RHBDF1: variants seen among roughly 807,000 people sequenced by gnomAD.
RHBDF1 encodes the protein rhomboid 5 homolog 1, also known as inactive rhomboid protein 1.
A neutral mutation model predicts 98.6 loss-of-function variants in RHBDF1; 80 were observed. The ratio of observed to expected loss-of-function variants is 0.81; its 90% CI spans 0.68 to 0.98. The LOEUF (loss-of-function observed/expected upper bound fraction) is 0.98. Among genes scored for constraint, RHBDF1 ranks in the 50% least tolerant of loss-of-function variants. The probability of loss-of-function intolerance (pLI) is 0.00; values close to 1 mark genes in which losing one functional copy is unlikely to be tolerated. For missense variants in RHBDF1, 1,116 were observed against 1,198.3 expected, an observed-to-expected ratio of 0.93 and a Z score of 1.01; for synonymous variants, 512 against 486.8, an observed-to-expected ratio of 1.05 and a Z score of -0.68.
chr16:62,728 G>T, intron 6 of RHBDF1, 33 bp from the exon 7 acceptor site: 3 of 1,614,122 alleles, frequency 1.9e-6, no homozygotes, highest in Non-Finnish European at 2.5e-6. Context: ...GGTGGACACA[G>T]GCAGGAAGGG....
chr16:61,747 C>A (rs1314850838), intron 8 of RHBDF1, 51 bp from the exon 9 acceptor site: 14 of 1,612,060 alleles, frequency 8.7e-6, no homozygotes, highest in Non-Finnish European at 1.2e-5. Context: ...GGAGCCCCCA[C>A]CCTCCCCCGG....
intron 1 of RHBDF1, among the ~76,000 whole-genome samples, chr16:67,803 CG>C (rs1897867484): frequency 6.6e-6 from 1 of 152,208 alleles, no homozygotes; most frequent in Non-Finnish European, 1.5e-5. Flanking sequence ...CGCAGGCCAT[CG>C]GGGTCCCTAA....
intron 1 of RHBDF1, among the ~76,000 whole-genome samples, chr16:72,146 C>G (rs1366569284): frequency 2.0e-5 from 3 of 152,228 alleles, no homozygotes; most frequent in African/African-American, 7.2e-5. Context: ...CTGGGGCACC[C>G]CCGGACTCTA....
intron 13 of RHBDF1, 65 bp from the exon 14 acceptor site, chr16:59,891 TG>T: frequency 1.2e-6 from 2 of 1,610,040 alleles, no homozygotes; most frequent in Non-Finnish European, 1.7e-6. Flanking sequence ...ACACCACGTT[TG>T]GGGGTAGAGG....
rs1897457804 is a variant in RHBDF1 at position 58,240 on chromosome 16, C to G, written c.*100G>C. 8.4e-7 allele frequency: 1 copy of G among 1,186,660 alleles called. No individual in the cohort carries two copies. Among genetic ancestry groups the G allele is most frequent in the African/African-American group, 1.5e-5 (1 of 65,252 alleles). 73.5% of individuals were successfully genotyped at this position (1,186,660 alleles called of 1,614,324 possible). A position where few individuals can be genotyped will look rare whatever the true frequency, so the allele number is the denominator to read the frequency against. ...CTGTGTTCAGGAAACAGGCCAGTCCCCACATGGAGCAGGTGACTCCTGTAA... is the reference window on the plus strand; with the variant it reads ...CTGTGTTCAGGAAACAGGCCAGTCCGCACATGGAGCAGGTGACTCCTGTAA... On this transcript the variant is annotated 3_prime_UTR_variant, in exon 18 of 18. Coordinates refer to ENST00000262316, the MANE Select transcript of RHBDF1 (RefSeq NM_022450.5).
chr16:59,081 G>T lies in RHBDF1; in HGVS notation c.2041C>A (p.Arg681=), dbSNP rs760039099. 6.2e-7 allele frequency: 1 copy of T among 1,613,442 alleles called. No homozygotes were observed. The highest frequency in any genetic ancestry group is 1.7e-5 in the Admixed American group (1 of 59,998). Residue 681 remains arginine, a synonymous_variant, in exon 17 of 18, where the codon CGG becomes AGG. Coordinates refer to ENST00000262316, the MANE Select transcript of RHBDF1 (RefSeq NM_022450.5). ...CAGCCTGCCAGCTTCTCCAGGTCCC[G>T]CAGGACAGTCATCTGGAAGCAGATG... The part of the protein sequence containing the change: ...VSICFQMTVL[R]DLEKLAGWHR...
At chr16:74,379 G>T (rs1898047330), upstream of RHBDF1, among the ~76,000 whole-genome samples, 1 of 152,212 alleles carries the variant, frequency 6.6e-6, no homozygotes, top group Admixed American at 6.5e-5. Flanking sequence ...GGTGTCAGCA[G>T]GTCTCCTCCT....
At chr16:63,871 C>G (rs1897740307) in intron 3 of RHBDF1, 71 bp from the exon 4 acceptor site, 2 of 1,302,924 alleles carry the variant, frequency 1.5e-6, no homozygotes, top group South Asian at 1.3e-5. Flanking sequence ...AAAGGCCCTC[C>G]TCCGGGGCAG....
At position 61,157 on chromosome 16, in the gene RHBDF1, C is replaced by T. The variant is rs1897599697; in HGVS notation, c.1520G>A (p.Arg507Lys). 1 of 1,538,746 alleles carries T rather than the reference C, an allele frequency of 6.5e-7. No homozygotes were observed. Among genetic ancestry groups the T allele is most frequent in the Non-Finnish European group, 8.7e-7 (1 of 1,144,994 alleles). Residue 507 changes from arginine to lysine, a missense_variant, in exon 11 of 18, where the codon AGG becomes AAG. Physicochemically the swap from Arg to Lys is conservative, Grantham distance 26 (BLOSUM62 2). Transcript: ENST00000262316. Reference protein sequence around the residue: ...KHSACCVRNDRSGCVQTSEEE... With the variant: ...KHSACCVRNDKSGCVQTSEEE... The stretch of plus-strand genomic sequence containing the variant: ...CTCCGAGGTCTGCACGCAGCCCGAC[C>T]TGTCGTTGCGCACGCAGCAGGCGGA...
chr16:63,925 G>A (rs1322307895), intron 3 of RHBDF1, 125 bp from the exon 4 acceptor site: 1 of 863,016 alleles, frequency 1.2e-6, no homozygotes, highest in Non-Finnish European at 1.9e-6. Flanking sequence ...ACCAGGGTCT[G>A]AGTGGGCAAG....
At position 61,186 on chromosome 16, in the gene RHBDF1, C is replaced by T; in HGVS notation, c.1491G>A (p.Lys497=). ...CGTTGCGCACGCAGCAGGCGGAGTG[C>T]TTCTCGCGCTCGCGCGCCGAGCGAA... ...SFIRSARERE[K]HSACCVRNDR... Residue 497 remains lysine, a synonymous_variant, in exon 11 of 18, where the codon AAG becomes AAA. Coordinates refer to ENST00000262316, the MANE Select transcript of RHBDF1 (RefSeq NM_022450.5). 1 of 1,542,372 alleles carries T rather than the reference C, an allele frequency of 6.5e-7. No homozygotes were observed.
In RHBDF1 at chr16:61,827, C is replaced by T. The variant is rs1897639066; in HGVS notation, c.1179G>A (p.Lys393=). The T allele has an allele frequency of 4.3e-6, 7 of 1,612,744 alleles. No homozygotes were observed. The highest frequency in any genetic ancestry group is 5.9e-6 in the Non-Finnish European group (7 of 1,179,794). ...TYRKRIDSFV[K]RQIEDMDDHR... The stretch of plus-strand genomic sequence containing the variant: ...GGTCGTCCATGTCCTCGATCTGGCG[C>T]TTGACGAAGCTGTCGATGCGCTTGC... The change falls in exon 8 of 18, where the codon AAG becomes AAA. Residue 393 remains lysine, a synonymous_variant. Coordinates refer to ENST00000262316, the MANE Select transcript of RHBDF1 (RefSeq NM_022450.5).
chr16:68,659 T>TG (rs11410085), intron 1 of RHBDF1, among the ~76,000 whole-genome samples: 101,685 of 151,922 alleles, frequency 0.67, 39,011 homozygotes, highest in Non-Finnish European at 0.86. Context: ...CAGGACCAGC[T>TG]GGGGGGGCTG....
intron 8 of RHBDF1, 36 bp from the exon 9 acceptor site, chr16:61,732 G>A (rs1166160880): frequency 2.5e-6 from 4 of 1,612,106 alleles, no homozygotes; most frequent in Non-Finnish European, 3.4e-6. Context: ...CCTCATCCCC[G>A]ACCCGGAGCC....
chr16:64,477 A>T, intron 3 of RHBDF1: 9 of 1,518,268 alleles, frequency 5.9e-6, no homozygotes, highest in Non-Finnish European at 7.1e-6. Context: ...GGAGACAGAG[A>T]AGGAGAGAGT....
chr16:60,472 C>A lies in RHBDF1; in HGVS notation c.1625G>T (p.Arg542Ile), dbSNP rs745763500. Residue 542 changes from arginine to isoleucine, a missense_variant, in exon 12 of 18, where the codon AGA becomes ATA. Physicochemically the swap from Arg to Ile is moderately conservative, Grantham distance 97. Coordinates refer to ENST00000262316, the MANE Select transcript of RHBDF1 (RefSeq NM_022450.5). ...PSAPELAGHKRQFGSVCHQDP... is the reference protein window; with the variant it reads ...PSAPELAGHKIQFGSVCHQDP... ...CTGGTGGCAGACAGAGCCAAACTGTCTCTTGTGGCCCGCAAGCTCTGGGGC... is the reference window on the plus strand; with the variant it reads ...CTGGTGGCAGACAGAGCCAAACTGTATCTTGTGGCCCGCAAGCTCTGGGGC... 6 of 1,612,272 alleles carry A rather than the reference C, an allele frequency of 3.7e-6. No individual in the cohort carries two copies. The highest frequency in any genetic ancestry group is 5.1e-6 in the Non-Finnish European group (6 of 1,180,010).
At chr16:67,873 T>G (rs1190001494) in intron 1 of RHBDF1, among the ~76,000 whole-genome samples, 1 of 152,178 alleles carries the variant, frequency 6.6e-6, no homozygotes, top group African/African-American at 2.4e-5. Flanking sequence ...GAAGACGAGC[T>G]GCCTGGCATG....
chr16:60,967 G>A, intron 11 of RHBDF1, 153 bp downstream of exon 11: 3 of 779,178 alleles, frequency 3.9e-6, no homozygotes, highest in Non-Finnish European at 6.0e-6. Flanking sequence ...GGAGGGTGGG[G>A]ATGAGGAGGA....
Position 58,615 on chromosome 16 carries a change from G to T in RHBDF1, c.2293C>A (p.Pro765Thr). 2 of 1,613,654 alleles carry T rather than the reference G, an allele frequency of 1.2e-6. No individual in the cohort carries two copies. The highest frequency in any genetic ancestry group is 1.7e-6 in the Non-Finnish European group (2 of 1,179,988). ...VLFLFTFGLL[P>T]WIDNFAHISG... ...ATGTGGGCAAAGTTGTCAATCCACG[G>T]CAGCAGCCCAAAGGTGAAGAGGAAG... Residue 765 changes from proline (P) to threonine (T), a missense_variant, in exon 18 of 18, where the codon CCG becomes ACG. Coordinates refer to ENST00000262316, the MANE Select transcript of RHBDF1 (RefSeq NM_022450.5).
Sources: gnomAD v4.1 joint callset for allele counts (sites outside exome capture counted in the v4.1 genomes callset) on GRCh38, gnomAD v4.1.1 for gene constraint, MANE v1.5 for transcripts, NCBI Gene and HGNC (gene_info 2026-07-23, HGNC 2026-07-21) for gene names.